FAR2: variants seen among roughly 807,000 people sequenced by gnomAD.
The protein encoded by FAR2 is epididymis secretory protein Li 81.
FAR2 carries 19 observed loss-of-function variants against 56.0 expected under a neutral mutation model. That is an observed-to-expected ratio of 0.34 (90% confidence interval 0.24 to 0.50). The LOEUF is 0.50. Ranked by LOEUF, FAR2 falls within the 20% of genes least tolerant of loss-of-function variation. FAR2 has a pLI of 0.98. For missense variants in FAR2, 508 were observed against 642.2 expected (o/e 0.79, Z 2.26); for synonymous variants, 219 against 218.8 (o/e 1.00, Z -0.01).
At chr12:29,322,506 C>T (rs1949569249) in intron 10 of FAR2, among the ~76,000 whole-genome samples, 1 of 152,174 alleles carries the variant, frequency 6.6e-6, no homozygotes, top group Admixed American at 6.5e-5. Flanking sequence ...TTTCATTTCT[C>T]AAGACAGGTC....
intron 8 of FAR2, among the ~76,000 whole-genome samples, chr12:29,313,252 C>T (rs1028924196): frequency 1.3e-5 from 2 of 152,048 alleles, no homozygotes; most frequent in Non-Finnish European, 2.9e-5. Context: ...ATCAGAATCT[C>T]TTATGCTATC....
rs113862292 is a variant in FAR2, at chr12:29,304,607, C to T, written c.546-3051C>T. On this transcript the variant is annotated intron_variant, in intron 4 of 11. Coordinates refer to ENST00000536681, the MANE Select transcript of FAR2 (RefSeq NM_001271783.2). ...TATCAGGGGAGGGGAAATACATATGCCTCTTGGTAATTCATTCAGTAAATA... is the reference window on the plus strand; with the variant it reads ...TATCAGGGGAGGGGAAATACATATGTCTCTTGGTAATTCATTCAGTAAATA... Among the ~76,000 whole-genome samples, 12 of 152,208 alleles carry T rather than the reference C, an allele frequency of 7.9e-5. 1 individual carries two copies. In the East Asian group the frequency reaches 1.5e-3, roughly 20 times the overall value.
intron 1 of FAR2, among the ~76,000 whole-genome samples, chr12:29,190,930 G>A (rs1160349855): frequency 6.6e-6 from 1 of 152,146 alleles, no homozygotes; most frequent in Non-Finnish European, 1.5e-5. Context: ...TCAACTCTTT[G>A]GGATTAATGG....
intron 2 of FAR2, among the ~76,000 whole-genome samples, chr12:29,276,966 C>T (rs776651389): frequency 2.0e-5 from 3 of 151,578 alleles, no homozygotes; most frequent in Admixed American, 6.6e-5. Flanking sequence ...AGATAAAATA[C>T]GTTTTTTATA....
intron 1 of FAR2, among the ~76,000 whole-genome samples, chr12:29,263,613 C>T (rs919658971): frequency 6.6e-5 from 10 of 150,562 alleles, no homozygotes; most frequent in South Asian, 2.1e-4. Flanking sequence ...CACAGCATAC[C>T]GAAACCTATG....
chr12:29,268,234 G>C (rs1948551539), intron 1 of FAR2, among the ~76,000 whole-genome samples: 1 of 152,158 alleles, frequency 6.6e-6, no homozygotes, highest in Non-Finnish European at 1.5e-5. Context: ...CCCTGGAGCT[G>C]TTCTGCAGGA....
chr12:29,216,378 T>C (rs7295214), intron 1 of FAR2, among the ~76,000 whole-genome samples: 149,972 of 152,304 alleles, frequency 0.98, 73,882 homozygotes, highest in East Asian at 1. Flanking sequence ...TTGGTTGTTG[T>C]CCTTTAGGGC....
chr12:29,333,653 C>T lies in FAR2; in HGVS notation c.1407C>T (p.Leu469=). Residue 469 remains leucine, a synonymous_variant, in exon 12 of 12, where the codon CTC becomes CTT. Transcript: ENST00000536681. ...RLKRLRNIHY[L]FNTALFLIAW... ...CTAGGCTCCGAAATATTCACTACCT[C>T]TTTAATACTGCCCTCTTCCTTATCG... is the stretch of plus-strand genomic sequence containing the variant. The T allele has an allele frequency of 6.2e-7, 1 of 1,613,732 alleles. No homozygotes were observed. Among genetic ancestry groups the T allele is most frequent in the Non-Finnish European group, 8.5e-7 (1 of 1,179,720 alleles).
chr12:29,229,826 C>T (rs1947827955), intron 1 of FAR2, among the ~76,000 whole-genome samples: 1 of 151,974 alleles, frequency 6.6e-6, no homozygotes, highest in Non-Finnish European at 1.5e-5. Context: ...AGACAGAATA[C>T]TGAAGGTCAG....
intron 10 of FAR2, among the ~76,000 whole-genome samples, chr12:29,326,911 G>A (rs1011526248): frequency 3.2e-4 from 49 of 152,208 alleles, no homozygotes; most frequent in Non-Finnish European, 5.6e-4. Flanking sequence ...AGGGCAATCA[G>A]GCAGGAGAAG....
chr12:29,311,646 A>C (rs1949353570), intron 7 of FAR2, among the ~76,000 whole-genome samples: 2 of 143,096 alleles, frequency 1.4e-5, no homozygotes, highest in South Asian at 4.4e-4. Context: ...ATAATATGTC[A>C]CTCCTATTTA....
chr12:29,241,291 TTTC>T (rs575118053), intron 1 of FAR2, among the ~76,000 whole-genome samples: 78 of 152,354 alleles, frequency 5.1e-4, no homozygotes, highest in African/African-American at 1.8e-3. Flanking sequence ...CATCTTTTTT[TTTC>T]TTCTTCTAAT....
intron 1 of FAR2, among the ~76,000 whole-genome samples, chr12:29,210,946 C>A (rs200518222): frequency 7.9e-5 from 12 of 151,236 alleles, no homozygotes; most frequent in Non-Finnish European, 7.4e-5. Flanking sequence ...GTCTTAAAAA[C>A]AAAAAAAAAA....
At chr12:29,186,755 ATTATTTAT>A (rs200745083) in intron 1 of FAR2, among the ~76,000 whole-genome samples, 10,529 of 45,806 alleles carry the variant, frequency 0.23, 542 homozygotes, top group East Asian at 0.33. Flanking sequence ...TTCTTTATTT[ATTATTTAT>A]TTATTTATTT....
Position 29,317,019 on chromosome 12 carries a change from A to C in FAR2, c.1127+7A>C, listed in dbSNP as rs202077993. ...TCACTGGAAGGAAGCCCAGGTGAGA[A>C]GCTGAGTCAATGGCTTTGAGAGTGT... On this transcript the variant is annotated splice_region_variant and intron_variant, in intron 9 of 11. Coordinates refer to ENST00000536681, the MANE Select transcript of FAR2 (RefSeq NM_001271783.2). 1 of 1,610,696 alleles carries C rather than the reference A, an allele frequency of 6.2e-7. No individual in the cohort carries two copies. Among genetic ancestry groups the C allele is most frequent in the East Asian group, 2.2e-5 (1 of 44,830 alleles).
At chr12:29,332,546 A>G in intron 10 of FAR2, 54 bp from the exon 11 acceptor site, 2 of 1,606,634 alleles carry the variant, frequency 1.2e-6, no homozygotes, top group East Asian at 2.2e-5. Context: ...AAGTGGACAA[A>G]GTGACTGTCC....
chr12:29,317,530 G>T (rs1949472326), intron 9 of FAR2, among the ~76,000 whole-genome samples: 1 of 152,172 alleles, frequency 6.6e-6, no homozygotes, highest in South Asian at 2.1e-4. Context: ...ATAGTGAGAA[G>T]CCACAAAAGA....
intron 1 of FAR2, among the ~76,000 whole-genome samples, chr12:29,187,184 A>G (rs1391935180): frequency 6.6e-6 from 1 of 152,096 alleles, no homozygotes; most frequent in Non-Finnish European, 1.5e-5. Context: ...CAGCTAATAA[A>G]GTATTTATGT....
At chr12:29,186,763 T>TTTA (rs1425566981) in intron 1 of FAR2, among the ~76,000 whole-genome samples, 28 of 8,758 alleles carry the variant, frequency 3.2e-3, no homozygotes, top group African/African-American at 5.7e-3. Flanking sequence ...TTATTATTTA[T>TTTA]TTATTTATTT....
Sources: allele counts gnomAD v4.1 joint callset (sites outside exome capture counted in the v4.1 genomes callset), GRCh38; gene constraint gnomAD v4.1.1; transcripts MANE v1.5; gene names NCBI Gene and HGNC (gene_info 2026-07-23, HGNC 2026-07-21).